The following FAM204A variants were observed in gnomAD, a reference collection of about 807,000 sequenced individuals.
FAM204A encodes family with sequence similarity 204 member A, also known as protein FAM204A.
FAM204A carries 16 observed loss-of-function variants against 35.4 expected under a neutral mutation model. The observed-to-expected ratio is 0.45, with a 90% CI of 0.31 to 0.69. FAM204A has a LOEUF of 0.69. FAM204A is among the 30% of genes least tolerant of loss of function. The pLI, the probability that FAM204A is intolerant of heterozygous loss-of-function variation, is 0.07. For missense variants in FAM204A, 240 were observed against 265.7 expected, an observed-to-expected ratio of 0.90 and a Z score of 0.67; for synonymous variants, 76 against 86.9, an observed-to-expected ratio of 0.88 and a Z score of 0.70.
At chr10:118,324,781 A>T (rs781322241) in intron 7 of FAM204A, among the ~76,000 whole-genome samples, 2 of 152,122 alleles carry the variant, frequency 1.3e-5, no homozygotes, top group Non-Finnish European at 2.9e-5. Flanking sequence ...AGCAATGTAA[A>T]TGCACTTAAT....
At position 118,302,678 on chromosome 10, in the gene FAM204A, T is replaced by C. The variant is rs1845821410; in HGVS notation, c.*8179A>G. On this transcript the variant is annotated 3_prime_UTR_variant, in exon 9 of 9. Transcript: ENST00000369183. The stretch of plus-strand genomic sequence containing the variant: ...TGAGTTCTTTGACACGGAACCTTTC[T>C]TTTCCTTTTTTGGAAAATGGAAGTA... The C allele has an allele frequency of 6.6e-6, 1 of 152,236 alleles. No homozygotes were observed. Among genetic ancestry groups the C allele is most frequent in the African/African-American group, 2.4e-5 (1 of 41,458 alleles). The allele number at this position is 152,236 out of a possible 1,614,324, so 9.4% of individuals were successfully genotyped here.
At chr10:118,320,420 T>C (rs236193) in intron 7 of FAM204A, among the ~76,000 whole-genome samples, 3,171 of 152,006 alleles carry the variant, frequency 0.021, 39 homozygotes, top group South Asian at 0.068. Flanking sequence ...TAAACAAACA[T>C]AATGTATAAG....
At chr10:118,341,352 C>T (rs1193437607) in intron 2 of FAM204A, among the ~76,000 whole-genome samples, 3 of 152,142 alleles carry the variant, frequency 2.0e-5, no homozygotes, top group African/African-American at 7.2e-5. Context: ...TTATAAGCCA[C>T]AATTATTTAA....
At chr10:118,313,011 C>A (rs1845977388) in intron 7 of FAM204A, among the ~76,000 whole-genome samples, 1 of 151,578 alleles carries the variant, frequency 6.6e-6, no homozygotes. Context: ...CGTAAGTCAA[C>A]CAAATAAAAA....
chr10:118,326,052 A>G (rs1352898192), intron 7 of FAM204A, 102 bp downstream of exon 7: 2 of 829,574 alleles, frequency 2.4e-6, no homozygotes, highest in East Asian at 5.5e-5. Context: ...AAAACCTCAG[A>G]TGAAATATTT....
chr10:118,337,465 A>T (rs1356078213), intron 2 of FAM204A, among the ~76,000 whole-genome samples: 1 of 152,230 alleles, frequency 6.6e-6, no homozygotes, highest in Admixed American at 6.5e-5. Context: ...TGAGACAAAC[A>T]CATCAGGGAT....
intron 6 of FAM204A, among the ~76,000 whole-genome samples, chr10:118,327,264 A>C (rs916648870): frequency 6.6e-6 from 1 of 152,226 alleles, no homozygotes; most frequent in Non-Finnish European, 1.5e-5. Flanking sequence ...ATCAACTGAG[A>C]GAATTTTGTT....
intron 6 of FAM204A, among the ~76,000 whole-genome samples, chr10:118,332,511 T>C (rs1016477119): frequency 1.0e-5 from 1 of 96,832 alleles, no homozygotes; most frequent in Non-Finnish European, 2.4e-5. Context: ...CACATCCCTA[T>C]GCCCCTCCCT....
intron 6 of FAM204A, among the ~76,000 whole-genome samples, chr10:118,329,464 T>C (rs575763049): frequency 3.3e-5 from 5 of 152,310 alleles, no homozygotes; most frequent in Admixed American, 6.5e-5. Context: ...CCTGTGCCTC[T>C]GATGTGCTTC....
At chr10:118,339,027 GA>G (rs1017755208) in intron 2 of FAM204A, among the ~76,000 whole-genome samples, 20 of 151,732 alleles carry the variant, frequency 1.3e-4, no homozygotes, top group African/African-American at 4.8e-4. Flanking sequence ...GTACCCAAAG[GA>G]AAAAAAATTA....
At chr10:118,330,383 G>A (rs922631950) in intron 6 of FAM204A, among the ~76,000 whole-genome samples, 35 of 152,206 alleles carry the variant, frequency 2.3e-4, no homozygotes, top group Non-Finnish European at 4.9e-4. Flanking sequence ...TCTTTTGCCT[G>A]TCCATTCCCC....
intron 2 of FAM204A, among the ~76,000 whole-genome samples, chr10:118,340,642 A>G (rs1380934921): frequency 6.6e-6 from 1 of 152,174 alleles, no homozygotes; most frequent in Non-Finnish European, 1.5e-5. Flanking sequence ...AACTCTGTAC[A>G]CTTCAGGACA....
At position 118,308,957 on chromosome 10, in the gene FAM204A, C is replaced by A. The variant is rs1845906533; in HGVS notation, c.*1900G>T. The A allele has an allele frequency of 6.6e-6, 1 of 151,652 alleles. No individual in the cohort carries two copies. Among genetic ancestry groups the A allele is most frequent in the Admixed American group, 6.6e-5 (1 of 15,230 alleles). 9.4% of individuals were successfully genotyped at this position (151,652 alleles called of 1,614,324 possible). A position where few individuals can be genotyped will look rare whatever the true frequency, so the allele number is the denominator to read the frequency against. On this transcript the variant is annotated 3_prime_UTR_variant, in exon 9 of 9. Transcript: ENST00000369183. ...GGCCCCAAGTGTGAGAATATCTATA[C>A]CACTCGCCTGCTCAAAAATAACATT... is the stretch of plus-strand genomic sequence containing the variant.
In FAM204A at chr10:118,304,793, C is replaced by T. The variant is rs577643019; in HGVS notation, c.*6064G>A. 1 of 152,384 alleles carries T rather than the reference C, an allele frequency of 6.6e-6. No individual in the cohort carries two copies. The highest frequency in any genetic ancestry group is 2.1e-4 in the South Asian group (1 of 4,828). 9.4% of individuals were successfully genotyped at this position (152,384 alleles called of 1,614,324 possible). ...CTACTTTGACTCAGCTCTGTCAACA[C>T]ACCCAAGTAAAAATGACTCCATCAA... On this transcript the variant is annotated 3_prime_UTR_variant, in exon 9 of 9. Transcript: ENST00000369183.
At chr10:118,326,066 T>C (rs968615432) in intron 7 of FAM204A, 88 bp downstream of exon 7, 180 of 969,460 alleles carry the variant, frequency 1.9e-4, no homozygotes, top group Non-Finnish European at 3.8e-5. Flanking sequence ...AATATTTTAA[T>C]ACTGAACTTA....
intron 6 of FAM204A, among the ~76,000 whole-genome samples, chr10:118,330,509 CCT>C (rs1263364568): frequency 6.6e-6 from 1 of 152,134 alleles, no homozygotes; most frequent in Admixed American, 6.5e-5. Context: ...GACTCATAAG[CCT>C]CTGTTTCCTC....
rs1845798407 is a variant in FAM204A, at chr10:118,300,586, A to T, written c.*10271T>A. 6.6e-6 allele frequency: 1 copy of T among 152,158 alleles called. No homozygotes were observed. Among genetic ancestry groups the T allele is most frequent in the African/African-American group, 2.4e-5 (1 of 41,420 alleles). The allele number at this position is 152,158 out of a possible 1,614,324, so 9.4% of individuals were successfully genotyped here. On this transcript the variant is annotated 3_prime_UTR_variant, in exon 9 of 9. Coordinates refer to ENST00000369183, the MANE Select transcript of FAM204A (RefSeq NM_022063.3). ...TAATAAAATCATCAAAAACCACATA[A>T]ACTTCAAAGCAGTATATATCATATT...
intron 2 of FAM204A, among the ~76,000 whole-genome samples, chr10:118,341,115 G>A (rs1846472871): frequency 6.6e-6 from 1 of 152,192 alleles, no homozygotes; most frequent in Admixed American, 6.5e-5. Context: ...AGAGGTTTGA[G>A]TAATAATGTC....
chr10:118,324,115 A>C (rs541457344), intron 7 of FAM204A, among the ~76,000 whole-genome samples: 4 of 152,156 alleles, frequency 2.6e-5, no homozygotes, highest in Admixed American at 6.6e-5. Flanking sequence ...TTTCTATTCC[A>C]AAATAGATTA....
Sources: gnomAD v4.1 joint callset for allele counts (sites outside exome capture counted in the v4.1 genomes callset) on GRCh38, gnomAD v4.1.1 for gene constraint, MANE v1.5 for transcripts, NCBI Gene and HGNC (gene_info 2026-07-23, HGNC 2026-07-21) for gene names.